FBXO32: variants seen among roughly 807,000 people sequenced by gnomAD.
The protein encoded by FBXO32 is F-box only protein 32.
In FBXO32, 15 loss-of-function variants were observed where a neutral mutation model predicts 48.3. The observed-to-expected ratio is 0.31, with a 90% CI of 0.21 to 0.48. The LOEUF is 0.48. FBXO32 is among the 20% of genes least tolerant of loss of function. The probability of loss-of-function intolerance (pLI) is 0.99; values close to 1 mark genes in which losing one functional copy is unlikely to be tolerated. For synonymous variants in FBXO32, 154 were observed against 165.9 expected, an observed-to-expected ratio of 0.93 and a Z score of 0.55; for missense variants, 309 against 432.7, an observed-to-expected ratio of 0.71 and a Z score of 2.54.
intron 4 of FBXO32, among the ~76,000 whole-genome samples, chr8:123,529,069 T>C (rs1338108072): frequency 1.3e-5 from 2 of 152,208 alleles, no homozygotes; most frequent in East Asian, 1.9e-4. Flanking sequence ...TTTTAAGTTC[T>C]TCATAAAAAT....
intron 4 of FBXO32, among the ~76,000 whole-genome samples, chr8:123,526,042 C>T (rs1390755435): frequency 1.3e-5 from 2 of 151,896 alleles, no homozygotes; most frequent in East Asian, 1.9e-4. Flanking sequence ...AACAATCATC[C>T]CTAGTGTTTA....
Position 123,541,053 on chromosome 8 carries a change from C to G in FBXO32, c.-39G>C. ...GACTAGACGGATGGGGAGACGGGGC[C>G]GGCCTGGTGGGCTCGGGGACGTGCC... On this transcript the variant is annotated 5_prime_UTR_variant, in exon 1 of 9. Coordinates refer to ENST00000517956, the MANE Select transcript of FBXO32 (RefSeq NM_058229.4). 3.5e-6 allele frequency: 5 copies of G among 1,430,140 alleles called. No individual in the cohort carries two copies. The highest frequency in any genetic ancestry group is 4.8e-6 in the Non-Finnish European group (5 of 1,048,110). 88.6% of individuals were successfully genotyped at this position (1,430,140 alleles called of 1,614,324 possible). A position where few individuals can be genotyped will look rare whatever the true frequency, so the allele number is the denominator to read the frequency against.
rs2130515868 is a variant in FBXO32 at position 123,513,030 on chromosome 8, C to T, written c.651+168G>A. On this transcript the variant is annotated intron_variant, in intron 6 of 8. Transcript: ENST00000517956. This position sits in a 1 kb window ranked among gnomAD's most constrained non-coding sequence, Gnocchi z 4.3. ...TTTTGCCAAGTTTTTCTTCCCACTT[C>T]CCTTTATCAGGAGGTCCCCCAGCCC... 6.6e-6 allele frequency among the ~76,000 whole-genome samples: 1 copy of T among 152,324 alleles called. No homozygotes were observed. Among genetic ancestry groups the T allele is most frequent in the East Asian group, 1.9e-4 (1 of 5,188 alleles).
chr8:123,514,878 TA>T (rs2130519822), intron 4 of FBXO32, among the ~76,000 whole-genome samples: 1 of 152,364 alleles, frequency 6.6e-6, no homozygotes, highest in African/African-American at 2.4e-5. Flanking sequence ...TCACTGCACT[TA>T]CATTTCTGTA....
intron 4 of FBXO32, among the ~76,000 whole-genome samples, chr8:123,527,568 C>A (rs994850443): frequency 6.6e-6 from 1 of 152,150 alleles, no homozygotes; most frequent in East Asian, 1.9e-4. Context: ...CTAAGGACCT[C>A]AAAAGTTCCA....
intron 1 of FBXO32, among the ~76,000 whole-genome samples, chr8:123,537,508 A>G (rs1817330788): frequency 6.6e-6 from 1 of 152,222 alleles, no homozygotes; most frequent in Admixed American, 6.5e-5. Flanking sequence ...GGAATGAAAA[A>G]AAAAATAAAG....
chr8:123,518,705 T>C (rs1816887714), intron 4 of FBXO32, among the ~76,000 whole-genome samples: 2 of 152,200 alleles, frequency 1.3e-5, no homozygotes, highest in African/African-American at 4.8e-5. Context: ...TGAGATAGCT[T>C]CTCCATTTAA....
intron 4 of FBXO32, among the ~76,000 whole-genome samples, chr8:123,517,287 C>T (rs762747007): frequency 1.3e-5 from 2 of 152,154 alleles, no homozygotes; most frequent in African/African-American, 2.4e-5. Context: ...TCAAAATATG[C>T]ACCAATCACA....
At chr8:123,510,748 T>C (rs1816719402) in intron 6 of FBXO32, among the ~76,000 whole-genome samples, 1 of 152,264 alleles carries the variant, frequency 6.6e-6, no homozygotes, top group Non-Finnish European at 1.5e-5. Flanking sequence ...CATTCATTCA[T>C]TCAGCTCAGA....
At chr8:123,534,853 GC>G in intron 1 of FBXO32, 39 bp from the exon 2 acceptor site, 2 of 1,326,468 alleles carry the variant, frequency 1.5e-6, no homozygotes, top group Non-Finnish European at 2.2e-6. Flanking sequence ...AGCTGTAACA[GC>G]TATACATGAA....
Position 123,513,605 on chromosome 8 carries a change from T to C in FBXO32, c.467-223A>G, listed in dbSNP as rs1193817089. Among the ~76,000 whole-genome samples the C allele has an allele frequency of 6.6e-6, 1 of 152,094 alleles. No individual in the cohort carries two copies. The highest frequency in any genetic ancestry group is 2.4e-5 in the African/African-American group (1 of 41,408). ...ATCTAGGTCCCTCTTTGTTCTCTTCTCTCTCATTTTCTATAAAGCCTCTTT... is the reference window on the plus strand; with the variant it reads ...ATCTAGGTCCCTCTTTGTTCTCTTCCCTCTCATTTTCTATAAAGCCTCTTT... On this transcript the variant is annotated intron_variant, in intron 5 of 8. Coordinates refer to ENST00000517956, the MANE Select transcript of FBXO32 (RefSeq NM_058229.4). The surrounding 1 kb of genome is among the most constrained non-coding windows in gnomAD (Gnocchi z 4.3).
At chr8:123,519,791 A>C (rs760563102) in intron 4 of FBXO32, among the ~76,000 whole-genome samples, 38 of 151,752 alleles carry the variant, frequency 2.5e-4, no homozygotes, top group Non-Finnish European at 3.8e-4. Context: ...CCGATTTTTA[A>C]ATTTTTTAAT....
At position 123,531,901 on chromosome 8, in the gene FBXO32, G is replaced by A. The variant is rs75257646; in HGVS notation, c.369C>T (p.Val123=). The A allele has an allele frequency of 1.5e-5, 25 of 1,614,060 alleles. No individual in the cohort carries two copies. The East Asian group carries it at 5.1e-4, about 33-fold the overall frequency. ...CCTTTAGGCACTTGAGACTTACCCG[G>A]ACCACGTAGTTAAATCTTCTGGAAT... The part of the protein sequence containing the change: ...ILDSRRFNYV[V]RLLELIAKSQ... The change falls in exon 4 of 9, where the codon GTC becomes GTT. Residue 123 remains valine, a synonymous_variant. Transcript: ENST00000517956.
chr8:123,510,923 T>C (rs1339015925), intron 6 of FBXO32, among the ~76,000 whole-genome samples: 4 of 152,184 alleles, frequency 2.6e-5, no homozygotes, highest in African/African-American at 9.7e-5. Flanking sequence ...GTGATGTCCA[T>C]AGATTGGATG....
chr8:123,503,223 C>T lies in FBXO32; in HGVS notation c.*150G>A, dbSNP rs533810200. 3.8e-6 allele frequency: 2 copies of T among 527,608 alleles called. No homozygotes were observed. The highest frequency in any genetic ancestry group is 6.6e-6 in the Non-Finnish European group (2 of 305,166). The allele number at this position is 527,608 out of a possible 1,614,324, so 32.7% of individuals were successfully genotyped here. On this transcript the variant is annotated 3_prime_UTR_variant, in exon 9 of 9. Transcript: ENST00000517956. ...ATTCCCAGTCAGCAACTGCATTTCTCCCCTCCAATGTCCTCTCCATGACTT... is the reference window on the plus strand; with the variant it reads ...ATTCCCAGTCAGCAACTGCATTTCTTCCCTCCAATGTCCTCTCCATGACTT...
chr8:123,508,590 C>T (rs976337907), intron 6 of FBXO32, among the ~76,000 whole-genome samples: 6 of 152,312 alleles, frequency 3.9e-5, no homozygotes, highest in African/African-American at 9.6e-5. Flanking sequence ...TTATACCGCT[C>T]GGTTCTACCC....
In FBXO32 at chr8:123,498,433, GA is replaced by G. The variant is rs1354098824; in HGVS notation, c.*4939del. 6.6e-6 allele frequency: 1 copy of G among 152,232 alleles called. No individual in the cohort carries two copies. The highest frequency in any genetic ancestry group is 1.5e-5 in the Non-Finnish European group (1 of 68,046). The allele number at this position is 152,232 out of a possible 1,614,324, so 9.4% of individuals were successfully genotyped here. A position where few individuals can be genotyped will look rare whatever the true frequency, so the allele number is the denominator to read the frequency against. ...GGCCTAAGTTTTGAGAGATTCTCCA[GA>G]AAGCTTTGTTTGCTGAGTGAATTCA... On this transcript the variant is annotated 3_prime_UTR_variant, in exon 9 of 9. Coordinates refer to ENST00000517956, the MANE Select transcript of FBXO32 (RefSeq NM_058229.4).
At chr8:123,531,458 A>G (rs1224860042) in intron 4 of FBXO32, among the ~76,000 whole-genome samples, 3 of 152,214 alleles carry the variant, frequency 2.0e-5, no homozygotes, top group Admixed American at 2.0e-4. Context: ...CAAGAGGGAG[A>G]CAGTGAGAAC....
intron 4 of FBXO32, chr8:123,527,374 A>T (rs1215785655): frequency 6.6e-6 from 1 of 152,164 alleles, no homozygotes; most frequent in Non-Finnish European, 1.5e-5. Flanking sequence ...GCCCTTTTAA[A>T]GTCATATTTT....
Sources: gnomAD v4.1 joint callset for allele counts (sites outside exome capture counted in the v4.1 genomes callset) on GRCh38, gnomAD v4.1.1 for gene constraint, Gnocchi (gnomAD v3.1) non-coding constraint, MANE v1.5 for transcripts, NCBI Gene and HGNC (gene_info 2026-07-23, HGNC 2026-07-21) for gene names.